The following CCDC91 variants were observed in gnomAD, a reference collection of about 807,000 sequenced individuals.
The protein encoded by CCDC91 is coiled-coil domain-containing protein 91.
A neutral mutation model predicts 63.2 loss-of-function variants in CCDC91; 48 were observed. The ratio of observed to expected loss-of-function variants is 0.76; its 90% confidence interval spans 0.60 to 0.97. CCDC91 has a LOEUF of 0.97. Ranked by LOEUF, CCDC91 falls within the 50% of genes least tolerant of loss-of-function variation. CCDC91 has a pLI of 0.00. For synonymous variants in CCDC91, 167 were observed against 165.8 expected, an observed-to-expected ratio of 1.01 and a Z score of -0.06; for missense variants, 500 against 494.6, an observed-to-expected ratio of 1.01 and a Z score of -0.10.
intron 11 of CCDC91, 59 bp from the exon 12 acceptor site, chr12:28,483,993 G>T: frequency 1.1e-6 from 1 of 942,496 alleles, no homozygotes; most frequent in South Asian, 1.5e-5. Flanking sequence ...TATATGAAAT[G>T]GACACAGATA....
intron 1 of CCDC91, among the ~76,000 whole-genome samples, chr12:28,250,927 C>T (rs544772448): frequency 1.3e-5 from 2 of 149,672 alleles, no homozygotes; most frequent in East Asian, 3.9e-4. Flanking sequence ...GTCTTAATTG[C>T]TTTCTATTTT....
At chr12:28,462,538 A>T (rs1424448208) in intron 11 of CCDC91, among the ~76,000 whole-genome samples, 1 of 152,072 alleles carries the variant, frequency 6.6e-6, no homozygotes, top group African/African-American at 2.4e-5. Flanking sequence ...CCATAGAATA[A>T]GTTGCTCTGG....
chr12:28,492,379 TTA>T (rs1721158518), intron 12 of CCDC91, among the ~76,000 whole-genome samples: 1 of 151,828 alleles, frequency 6.6e-6, no homozygotes, highest in African/African-American at 2.4e-5. Flanking sequence ...AAAGATTTTT[TTA>T]TATGTTATTT....
chr12:28,307,897 T>C, intron 6 of CCDC91, 148 bp downstream of exon 6: 1 of 576,570 alleles, frequency 1.7e-6, no homozygotes, highest in Non-Finnish European at 3.1e-6. Context: ...GCTAAATTAA[T>C]GGGAAGACAC....
intron 3 of CCDC91, 110 bp from the exon 4 acceptor site, chr12:28,305,539 T>G: frequency 1.1e-6 from 1 of 920,082 alleles, no homozygotes; most frequent in Non-Finnish European, 1.6e-6. Context: ...TTTACTTTCC[T>G]TACTTTTTTC....
intron 7 of CCDC91, among the ~76,000 whole-genome samples, chr12:28,363,393 A>G (rs1175339247): frequency 6.6e-6 from 1 of 152,196 alleles, no homozygotes; most frequent in Admixed American, 6.5e-5. Flanking sequence ...TTTTTACAGT[A>G]TAAATATACC....
At chr12:28,379,796 A>G (rs1945177614) in intron 7 of CCDC91, among the ~76,000 whole-genome samples, 1 of 152,212 alleles carries the variant, frequency 6.6e-6, no homozygotes, top group East Asian at 1.9e-4. Flanking sequence ...TAGCAATCCC[A>G]TTACTGGGCA....
chr12:28,543,798 A>C (rs1942799132), intron 12 of CCDC91, among the ~76,000 whole-genome samples: 4 of 151,928 alleles, frequency 2.6e-5, no homozygotes, highest in Admixed American at 2.6e-4. Flanking sequence ...TGGCCAACTC[A>C]CTCCAGCTCC....
rs369828134 is a variant in CCDC91 at position 28,439,406 on chromosome 12, CG to C, written c.763-10754del. Among the ~76,000 whole-genome samples the C allele has an allele frequency of 3.4e-3, 520 of 152,136 alleles. 7 individuals carry two copies. Among genetic ancestry groups the C allele is most frequent in the African/African-American group, 0.012 (489 of 41,524 alleles). On this transcript the variant is annotated intron_variant, in intron 8 of 12. Transcript: ENST00000536442. ...TCTTTTAAGTCATGTTAAGTGGAGG[CG>C]TATTTACGAGTGTGTTTAAGACAAT...
chr12:28,211,409 T>G (rs1264404118), intron 1 of CCDC91, among the ~76,000 whole-genome samples: 3 of 152,036 alleles, frequency 2.0e-5, no homozygotes, highest in African/African-American at 4.8e-5. Flanking sequence ...ACATAGACAT[T>G]AGCGAGTCTG....
intron 3 of CCDC91, among the ~76,000 whole-genome samples, chr12:28,284,708 CT>C (rs1948809501): frequency 2.0e-5 from 3 of 151,868 alleles, no homozygotes; most frequent in Non-Finnish European, 4.4e-5. Flanking sequence ...TCTCCATCTC[CT>C]TAAATACGAC....
rs145865281 is a variant in CCDC91 at position 28,427,569 on chromosome 12, A to G, written c.763-22592A>G. On this transcript the variant is annotated intron_variant, in intron 8 of 12. Transcript: ENST00000536442. ...ATTTATCCTCACTCAGCTTCCAACA[A>G]TTCCTCAAAATTGTCATTGAAATAA... 4.0e-3 allele frequency among the ~76,000 whole-genome samples: 615 copies of G among 152,206 alleles called. 2 individuals carry two copies. The Middle Eastern group carries it at 0.061, about 15-fold the overall frequency.
intron 8 of CCDC91, among the ~76,000 whole-genome samples, chr12:28,425,287 TTATCAGGCAACTC>T (rs1948245762): frequency 6.6e-6 from 1 of 152,106 alleles, no homozygotes; most frequent in Admixed American, 6.6e-5. Context: ...GCAGAGGTCT[TTATCAGGCAACTC>T]TGTCAAACCT....
At chr12:28,516,576 C>T (rs1393725289) in intron 12 of CCDC91, among the ~76,000 whole-genome samples, 2 of 151,890 alleles carry the variant, frequency 1.3e-5, no homozygotes, top group East Asian at 3.9e-4. Context: ...TGTACTCCAG[C>T]CTGGGTGACA....
chr12:28,526,170 T>C (rs925010829), intron 12 of CCDC91, among the ~76,000 whole-genome samples: 18 of 151,788 alleles, frequency 1.2e-4, no homozygotes, highest in Admixed American at 6.6e-5. Context: ...TTTTTTTTTT[T>C]AATTGTATTT....
In CCDC91 at chr12:28,549,253, T is replaced by G; in HGVS notation, c.*80T>G. ...ATACACACTCTGAATTATAAAGATG[T>G]GTTTGTTTTCTTTCCAAATCATGTA... On this transcript the variant is annotated 3_prime_UTR_variant, in exon 13 of 13. Transcript: ENST00000536442. 1.3e-6 allele frequency: 1 copy of G among 792,196 alleles called. No homozygotes were observed. The highest frequency in any genetic ancestry group is 2.1e-6 in the Non-Finnish European group (1 of 466,320). The allele number at this position is 792,196 out of a possible 1,614,324, so 49.1% of individuals were successfully genotyped here.
At chr12:28,244,051 A>G (rs1358499984) in intron 1 of CCDC91, among the ~76,000 whole-genome samples, 1 of 152,254 alleles carries the variant, frequency 6.6e-6, no homozygotes, top group Non-Finnish European at 1.5e-5. Context: ...ACCAACATTT[A>G]AAGAAGACAA....
At chr12:28,422,263 T>G (rs1948060516) in intron 8 of CCDC91, among the ~76,000 whole-genome samples, 1 of 152,148 alleles carries the variant, frequency 6.6e-6, no homozygotes, top group African/African-American at 2.4e-5. Flanking sequence ...ATTTATCCAA[T>G]TATATTTAAT....
chr12:28,264,929 G>A (rs1356863485), intron 3 of CCDC91, among the ~76,000 whole-genome samples: 1 of 151,844 alleles, frequency 6.6e-6, no homozygotes, highest in Non-Finnish European at 1.5e-5. Flanking sequence ...CATTTTCAGT[G>A]ATGCCATATA....
Sources: allele counts gnomAD v4.1 joint callset (sites outside exome capture counted in the v4.1 genomes callset), GRCh38; gene constraint gnomAD v4.1.1; transcripts MANE v1.5; gene names NCBI Gene and HGNC (gene_info 2026-07-23, HGNC 2026-07-21).